The following KLHL2 variants were observed in gnomAD, a reference collection of about 807,000 sequenced individuals.
KLHL2 encodes the protein kelch-like protein 2.
In KLHL2, 15 loss-of-function variants were observed where a neutral mutation model predicts 75.8. That is an observed-to-expected ratio of 0.20 (90% CI 0.13 to 0.30). KLHL2 has a LOEUF of 0.30. KLHL2 is among the 10% of genes least tolerant of loss of function. The pLI is 1.00. For missense variants in KLHL2, 381 were observed against 741.0 expected (o/e 0.51, Z 5.64); for synonymous variants, 214 against 251.9 (o/e 0.85, Z 1.42).
intron 5 of KLHL2, among the ~76,000 whole-genome samples, chr4:165,266,224 T>C (rs1347323663): frequency 6.6e-6 from 1 of 152,240 alleles, no homozygotes; most frequent in East Asian, 1.9e-4. Flanking sequence ...ATATTAGCCC[T>C]TTGTCAGATG....
rs1296809740 is a variant in KLHL2 at position 165,264,745 on chromosome 4, T to C, written c.544+1386T>C. Among the ~76,000 whole-genome samples the C allele has an allele frequency of 7.9e-4, 65 of 82,048 alleles. 1 individual carries two copies. The highest frequency in any genetic ancestry group is 1.2e-3 in the Non-Finnish European group (50 of 42,196). 53.8% of individuals were successfully genotyped at this position (82,048 alleles called of 152,430 possible). ...ACATATATATATATATATATGTATA[T>C]ATATATATATATATATATATAAAAC... On this transcript the variant is annotated intron_variant, in intron 5 of 14. Coordinates refer to ENST00000226725, the MANE Select transcript of KLHL2 (RefSeq NM_007246.4).
At chr4:165,241,152 G>T (rs1456460961) in intron 4 of KLHL2, among the ~76,000 whole-genome samples, 2 of 152,276 alleles carry the variant, frequency 1.3e-5, no homozygotes, top group East Asian at 1.9e-4. Context: ...TATCTCTTCA[G>T]CATAGGGCTA....
intron 1 of KLHL2, chr4:165,210,025 A>G: frequency 6.5e-7 from 1 of 1,529,570 alleles, no homozygotes; most frequent in Non-Finnish European, 8.8e-7. Context: ...CCTCACTGCC[A>G]GAGCTGGGCT....
At chr4:165,278,281 A>C (rs749196017) in intron 5 of KLHL2, 1 of 1,065,272 alleles carries the variant, frequency 9.4e-7, no homozygotes, top group Non-Finnish European at 1.5e-6. Context: ...CACCCAGTGC[A>C]GTGGTTTCGG....
At chr4:165,303,081 C>T (rs1393123619) in intron 8 of KLHL2, among the ~76,000 whole-genome samples, 2 of 152,142 alleles carry the variant, frequency 1.3e-5, no homozygotes, top group East Asian at 3.8e-4. Context: ...CTTCCTGTCC[C>T]CCCATTGCAC....
rs182494475 is a variant in KLHL2, at chr4:165,223,670, G to A, written c.152+3611G>A. On this transcript the variant is annotated intron_variant, in intron 2 of 14. Coordinates refer to ENST00000226725, the MANE Select transcript of KLHL2 (RefSeq NM_007246.4). ...GATTCAGTGAAGGCTTTTGAGAAAC[G>A]GAGCATCATGCTAAGATTAATGATG... is the stretch of plus-strand genomic sequence containing the variant. 2.4e-3 allele frequency among the ~76,000 whole-genome samples: 366 copies of A among 152,242 alleles called. 2 individuals carry two copies. Among genetic ancestry groups the A allele is most frequent in the African/African-American group, 8.3e-3 (344 of 41,546 alleles).
chr4:165,294,875 G>A (rs561860826), intron 6 of KLHL2, among the ~76,000 whole-genome samples: 1 of 152,292 alleles, frequency 6.6e-6, no homozygotes, highest in South Asian at 2.1e-4. Flanking sequence ...TAGTTTCCTT[G>A]TCTTCTGAGT....
chr4:165,295,915 G>T (rs1744870822), intron 6 of KLHL2, among the ~76,000 whole-genome samples: 1 of 152,182 alleles, frequency 6.6e-6, no homozygotes, highest in African/African-American at 2.4e-5. Flanking sequence ...CCTTAAAAGG[G>T]TTTTAAGCCA....
rs139603794 is a variant in KLHL2, at chr4:165,287,901, T to C, written c.545-6458T>C. 9.7e-3 allele frequency among the ~76,000 whole-genome samples: 1,471 copies of C among 152,276 alleles called. 22 individuals carry two copies. The highest frequency in any genetic ancestry group is 0.032 in the African/African-American group (1,314 of 41,568). ...TGTTGAGTTGTAGGAGATATTTTTA[T>C]ATTCTGGATATTAACTCTTTGTCAG... On this transcript the variant is annotated intron_variant, in intron 5 of 14. Coordinates refer to ENST00000226725, the MANE Select transcript of KLHL2 (RefSeq NM_007246.4).
chr4:165,232,830 T>A (rs975008105), intron 3 of KLHL2, among the ~76,000 whole-genome samples: 1 of 151,292 alleles, frequency 6.6e-6, no homozygotes, highest in African/African-American at 2.4e-5. Flanking sequence ...TTTGCCAGAG[T>A]ATGAGTACTT....
At chr4:165,310,856 T>TG (rs1746111805) in intron 10 of KLHL2, 106 bp downstream of exon 10, 16 of 102,744 alleles carry the variant, frequency 1.6e-4, no homozygotes, top group East Asian at 4.3e-4. Flanking sequence ...GTTTTTTGTG[T>TG]TTTTTTTTTT....
chr4:165,279,000 C>T lies in KLHL2; in HGVS notation c.545-15359C>T, dbSNP rs765877205. On this transcript the variant is annotated intron_variant, in intron 5 of 14. Coordinates refer to ENST00000226725, the MANE Select transcript of KLHL2 (RefSeq NM_007246.4). ...CCAAAAAATTCACAGAGTTGTTTAT[C>T]CCATTCCAAAGAATGAATGTTGAAA... 1.2e-5 allele frequency: 18 copies of T among 1,495,338 alleles called. 1 individual carries two copies. In the Middle Eastern group the frequency reaches 1.5e-3, roughly 128 times the overall value. The allele number at this position is 1,495,338 out of a possible 1,614,324, so 92.6% of individuals were successfully genotyped here. A position where few individuals can be genotyped will look rare whatever the true frequency, so the allele number is the denominator to read the frequency against.
intron 1 of KLHL2, among the ~76,000 whole-genome samples, chr4:165,211,405 T>C (rs1737195481): frequency 6.6e-6 from 1 of 152,224 alleles, no homozygotes; most frequent in South Asian, 2.1e-4. Flanking sequence ...CATTTTGACA[T>C]AGATCAGTAA....
intron 7 of KLHL2, among the ~76,000 whole-genome samples, chr4:165,298,970 G>A (rs1305019609): frequency 9.4e-6 from 1 of 105,856 alleles, no homozygotes; most frequent in South Asian, 2.9e-4. Flanking sequence ...AAAAGAAAAC[G>A]AACCCAGAAG....
chr4:165,261,524 A>C (rs1388335220), intron 4 of KLHL2, among the ~76,000 whole-genome samples: 1 of 152,058 alleles, frequency 6.6e-6, no homozygotes, highest in East Asian at 1.9e-4. Flanking sequence ...TATTTTGAGT[A>C]GATTGGGCTT....
Position 165,304,940 on chromosome 4 carries a change from T to A in KLHL2, c.922-668T>A, listed in dbSNP as rs184062381. ...TTAGTAAATAGTTGTTGGATTGAGT[T>A]GAGGGAACTTATAGACCTCATTTAT... On this transcript the variant is annotated intron_variant, in intron 8 of 14. Coordinates refer to ENST00000226725, the MANE Select transcript of KLHL2 (RefSeq NM_007246.4). 3.3e-5 allele frequency among the ~76,000 whole-genome samples: 5 copies of A among 152,332 alleles called. No individual in the cohort carries two copies. In the East Asian group the frequency reaches 9.6e-4, roughly 29 times the overall value.
At chr4:165,270,295 T>C (rs1218096237) in intron 5 of KLHL2, among the ~76,000 whole-genome samples, 5 of 152,194 alleles carry the variant, frequency 3.3e-5, no homozygotes, top group African/African-American at 1.2e-4. Context: ...AAGTTTGTTA[T>C]TACCAGCCTT....
chr4:165,314,378 G>A (rs1049887114), intron 13 of KLHL2, among the ~76,000 whole-genome samples: 1 of 152,112 alleles, frequency 6.6e-6, no homozygotes, highest in African/African-American at 2.4e-5. Flanking sequence ...ACAGGTTGTT[G>A]TGACACTTCA....
intron 5 of KLHL2, among the ~76,000 whole-genome samples, chr4:165,273,770 C>T (rs1742869037): frequency 6.6e-6 from 1 of 152,200 alleles, no homozygotes; most frequent in African/African-American, 2.4e-5. Flanking sequence ...ATGTCTTTAT[C>T]AGCAGCATGA....
Sources: gnomAD v4.1 joint callset for allele counts (sites outside exome capture counted in the v4.1 genomes callset) on GRCh38, gnomAD v4.1.1 for gene constraint, MANE v1.5 for transcripts, NCBI Gene and HGNC (gene_info 2026-07-23, HGNC 2026-07-21) for gene names.